Variants in SUN2 observed in about 807,000 individuals in gnomAD.
The protein encoded by SUN2 is SUN domain-containing protein 2.
SUN2 carries 60 observed loss-of-function variants against 100.0 expected under a neutral mutation model. The ratio of observed to expected loss-of-function variants is 0.60; its 90% CI spans 0.49 to 0.74. The LOEUF is 0.74. SUN2 is among the 30% of genes least tolerant of loss of function. SUN2 has a pLI of 0.00. For missense variants in SUN2, 834 were observed against 954.6 expected (o/e 0.87, Z 1.66); for synonymous variants, 367 against 403.3 (o/e 0.91, Z 1.08).
intron 1 of SUN2, chr22:38,754,614 CT>C (rs2092971518): frequency 2.5e-6 from 2 of 788,734 alleles, no homozygotes; most frequent in African/African-American, 3.7e-5. Context: ...CCCCTCCCCC[CT>C]CCCTGCCCCG....
intron 2 of SUN2, 81 bp downstream of exon 2, chr22:38,752,426 T>C: frequency 6.6e-7 from 1 of 1,514,564 alleles, no homozygotes; most frequent in Non-Finnish European, 8.9e-7. Context: ...GGCAGGGGGA[T>C]GGCTGGACCA....
At position 38,739,897 on chromosome 22, in the gene SUN2, C is replaced by T. The variant is rs374336983; in HGVS notation, c.1403G>A (p.Gly468Asp). ...PAWISQFLAR[G>D]GGGRVGLLQR... Reference sequence around the variant, plus strand: ...AAGGAGCCCCACGCGGCCCCCTCCACCTCGGGCAAGGAACTGACTGATCCA... The same window carrying T: ...AAGGAGCCCCACGCGGCCCCCTCCATCTCGGGCAAGGAACTGACTGATCCA... Residue 468 changes from glycine (G) to aspartate (D), a missense_variant, in exon 13 of 18, where the codon GGT becomes GAT. By Grantham distance (94) the Gly-to-Asp change is moderately conservative (BLOSUM62 -1). This residue lies in a region of SUN2 where 195 missense variants were observed against 280.2 expected (regional missense o/e 0.70). Coordinates refer to ENST00000689035, the MANE Select transcript of SUN2 (RefSeq NM_015374.3). This position sits in a 1 kb window ranked among gnomAD's most constrained non-coding sequence, Gnocchi z 6.7. 4.5e-5 allele frequency: 73 copies of T among 1,612,982 alleles called. No homozygotes were observed. The highest frequency in any genetic ancestry group is 6.0e-5 in the Non-Finnish European group (71 of 1,180,036).
In SUN2 at chr22:38,749,874, A is replaced by G. The variant is rs755017003; in HGVS notation, c.521-15T>C. On this transcript the variant is annotated splice_polypyrimidine_tract_variant and intron_variant, in intron 5 of 17. Coordinates refer to ENST00000689035, the MANE Select transcript of SUN2 (RefSeq NM_015374.3). Reference sequence around the variant, plus strand: ...GAAGAGCCGGCCTGGAAGAATGACCATCAAGCCGAAGGCTCCATATGGTGT... The same window carrying G: ...GAAGAGCCGGCCTGGAAGAATGACCGTCAAGCCGAAGGCTCCATATGGTGT... 1.3e-5 allele frequency: 21 copies of G among 1,608,600 alleles called. No individual in the cohort carries two copies. In the East Asian group the frequency reaches 2.0e-4, roughly 15 times the overall value.
chr22:38,749,184 C>T (rs2092925342), intron 6 of SUN2: 2 of 201,120 alleles, frequency 9.9e-6, no homozygotes, highest in South Asian at 2.0e-4. Context: ...GCTGTCCCCT[C>T]TGCCCGGACC....
At position 38,752,366 on chromosome 22, in the gene SUN2, C is replaced by A. The variant is rs942025163; in HGVS notation, c.122+141G>T. 13 of 1,042,958 alleles carry A rather than the reference C, an allele frequency of 1.2e-5. No individual in the cohort carries two copies. In the Admixed American group the frequency reaches 2.9e-4, roughly 23 times the overall value. 64.6% of individuals were successfully genotyped at this position (1,042,958 alleles called of 1,614,324 possible). ...ATGGAGCAAGGAAGGACCCCCTCGA[C>A]CGGACGGGGGCCCACGTCCTTCGAT... On this transcript the variant is annotated intron_variant, in intron 2 of 17. Transcript: ENST00000689035.
chr22:38,743,506 G>A (rs892231321), intron 8 of SUN2: 1 of 145,424 alleles, frequency 6.9e-6, no homozygotes, highest in Non-Finnish European at 1.5e-5. Flanking sequence ...AGAATCGCTT[G>A]AACCTGGGAG....
rs1352794381 is a variant in SUN2, at chr22:38,740,884, C to T, written c.1190+123G>A. 2 of 1,122,242 alleles carry T rather than the reference C, an allele frequency of 1.8e-6. No individual in the cohort carries two copies. The highest frequency in any genetic ancestry group is 2.6e-5 in the East Asian group (1 of 38,642). 69.5% of individuals were successfully genotyped at this position (1,122,242 alleles called of 1,614,324 possible). On this transcript the variant is annotated intron_variant, in intron 11 of 17. Coordinates refer to ENST00000689035, the MANE Select transcript of SUN2 (RefSeq NM_015374.3). The surrounding 1 kb of genome is among the most constrained non-coding windows in gnomAD (Gnocchi z 4.8). ...CCTGAGCTGGGTTTCAACCCCTCCCCCTACCATCTGCTTGGCAAGATGATC... is the reference window on the plus strand; with the variant it reads ...CCTGAGCTGGGTTTCAACCCCTCCCTCTACCATCTGCTTGGCAAGATGATC...
chr22:38,751,057 G>A, intron 3 of SUN2, 22 bp from the exon 4 acceptor site: 1 of 1,610,236 alleles, frequency 6.2e-7, no homozygotes, highest in Non-Finnish European at 8.5e-7. Flanking sequence ...AGAACCAGGG[G>A]CTCTTCTGGG....
In SUN2 at chr22:38,741,012, C is replaced by A; in HGVS notation, c.1185G>T (p.Trp395Cys). The A allele has an allele frequency of 6.3e-7, 1 of 1,595,054 alleles. No homozygotes were observed. The highest frequency in any genetic ancestry group is 1.1e-5 in the South Asian group (1 of 87,880). Residue 395 changes from tryptophan to cysteine, a missense_variant, in exon 11 of 18, where the codon TGG becomes TGT. Trp to Cys is a radical substitution (Grantham distance 215). Coordinates refer to ENST00000689035, the MANE Select transcript of SUN2 (RefSeq NM_015374.3). ...EARIQQLKSE[W>C]QSMTQESFQE... Reference sequence around the variant, plus strand: ...CAGCTGGTGGCGCCCAGTACCTTTGCCACTCTGACTTCAGCTGCTGGATGC... The same window carrying A: ...CAGCTGGTGGCGCCCAGTACCTTTGACACTCTGACTTCAGCTGCTGGATGC...
Position 38,738,693 on chromosome 22 carries a change from C to T in SUN2, c.1841G>A (p.Arg614His), listed in dbSNP as rs757720826. The change falls in exon 16 of 18, where the codon CGC becomes CAC. Residue 614 changes from arginine (R) to histidine (H), a missense_variant. Coordinates refer to ENST00000689035, the MANE Select transcript of SUN2 (RefSeq NM_015374.3). This position sits in a 1 kb window ranked among gnomAD's most constrained non-coding sequence, Gnocchi z 6.6. ...FQGPQGFAVVRLSARIRPTAV... is the reference protein window; with the variant it reads ...FQGPQGFAVVHLSARIRPTAV... ...TGTGGGGCGGATGCGGGCAGAGAGG[C>T]GGACCACGGCGAAGCCTTGTGGCCC... 3.2e-5 allele frequency: 52 copies of T among 1,613,604 alleles called. 1 individual carries two copies. Among genetic ancestry groups the T allele is most frequent in the South Asian group, 2.9e-4 (26 of 91,094 alleles).
rs1403926673 is a variant in SUN2, at chr22:38,742,546, G to A, written c.823C>T (p.Arg275Cys). 2.5e-6 allele frequency: 4 copies of A among 1,610,976 alleles called. No homozygotes were observed. The highest frequency in any genetic ancestry group is 2.2e-5 in the South Asian group (2 of 90,988). The change falls in exon 9 of 18, where the codon CGT (arginine) becomes TGT (cysteine). Residue 275 changes from arginine (R) to cysteine (C), a missense_variant. Transcript: ENST00000689035. Reference protein sequence around the residue: ...DSSPHFQAEQRVMSRVHSLER... With the variant: ...DSSPHFQAEQCVMSRVHSLER... The stretch of plus-strand genomic sequence containing the variant: ...AGAGAGTGTACCCGGGACATAACAC[G>A]CTGCTCAGCCTGGAAGGGCAGAGAG...
chr22:38,741,807 C>CACG (rs1373428009), intron 9 of SUN2, among the ~76,000 whole-genome samples: 4 of 152,172 alleles, frequency 2.6e-5, no homozygotes, highest in African/African-American at 9.7e-5. Flanking sequence ...GTGGGGGAGA[C>CACG]ACGATGGCCT....
At position 38,738,829 on chromosome 22, in the gene SUN2, CAG is replaced by C; in HGVS notation, c.1779+42_1779+43del. On this transcript the variant is annotated intron_variant, in intron 15 of 17. Transcript: ENST00000689035. This position sits in a 1 kb window ranked among gnomAD's most constrained non-coding sequence, Gnocchi z 6.6. ...GCTGACCCCAGATGGGACCAGCCCT[CAG>C]TGTGCTCAGAGCCCCCGCTGCTGTG... 1 of 1,595,484 alleles carries C rather than the reference CAG, an allele frequency of 6.3e-7. No homozygotes were observed. Among genetic ancestry groups the C allele is most frequent in the Non-Finnish European group, 8.6e-7 (1 of 1,168,124 alleles).
chr22:38,750,324 C>T lies in SUN2; in HGVS notation c.425-4G>A, dbSNP rs372875785. On this transcript the variant is annotated splice_polypyrimidine_tract_variant and splice_region_variant and intron_variant, in intron 4 of 17. Coordinates refer to ENST00000689035, the MANE Select transcript of SUN2 (RefSeq NM_015374.3). ...TGCTGGTCCACATCCGAGTAGCCTG[C>T]GGGGAACGAGGACACTGGCTCAGTC... The T allele has an allele frequency of 1.3e-4, 215 of 1,613,850 alleles. No individual in the cohort carries two copies. The highest frequency in any genetic ancestry group is 1.7e-4 in the Non-Finnish European group (204 of 1,179,980).
rs958990067 is a variant in SUN2, at chr22:38,749,232, G to A, written c.615-449C>T. On this transcript the variant is annotated intron_variant, in intron 6 of 17. Transcript: ENST00000689035. Reference sequence around the variant, plus strand: ...AGAGGGATCCTGACTTCTGGGTTCCGTGTTCTTCTGCCTAAGGGGCACATT... The same window carrying A: ...AGAGGGATCCTGACTTCTGGGTTCCATGTTCTTCTGCCTAAGGGGCACATT... 1.1e-4 allele frequency among the ~76,000 whole-genome samples: 16 copies of A among 152,292 alleles called. No homozygotes were observed. The Middle Eastern group carries it at 0.017, about 162-fold the overall frequency.
chr22:38,742,385 G>A lies in SUN2; in HGVS notation c.984C>T (p.Thr328=). The A allele has an allele frequency of 3.7e-6, 6 of 1,613,308 alleles. No homozygotes were observed. Among genetic ancestry groups the A allele is most frequent in the Non-Finnish European group, 4.2e-6 (5 of 1,179,960 alleles). Residue 328 remains threonine, a synonymous_variant, in exon 9 of 18, where the codon ACC becomes ACT. Transcript: ENST00000689035. The part of the protein sequence containing the change: ...GGGGGLSHED[T]LALLEGLVSR... ...TCACTAGCCCCTCCAGCAGCGCCAG[G>A]GTGTCCTCGTGGCTCAGGCCACCAC...
chr22:38,747,058 G>A (rs372552163), intron 7 of SUN2, among the ~76,000 whole-genome samples: 13 of 152,172 alleles, frequency 8.5e-5, no homozygotes, highest in Non-Finnish European at 1.5e-4. Flanking sequence ...CTGACTGGGC[G>A]TGGTGGCTCA....
chr22:38,755,642 C>A lies in SUN2; in HGVS notation c.-38+121G>T. The A allele has an allele frequency of 1.0e-6, 1 of 959,154 alleles. No homozygotes were observed. The highest frequency in any genetic ancestry group is 1.2e-6 in the Non-Finnish European group (1 of 805,984). The allele number at this position is 959,154 out of a possible 1,614,324, so 59.4% of individuals were successfully genotyped here. A position where few individuals can be genotyped will look rare whatever the true frequency, so the allele number is the denominator to read the frequency against. ...CGGGTGGAGGCTGGATCCGGCCCAG[C>A]ACGTCCCGGAGAGGAGGAAGCAGGC... On this transcript the variant is annotated intron_variant, in intron 1 of 17. Transcript: ENST00000689035. The surrounding 1 kb of genome is among the most constrained non-coding windows in gnomAD (Gnocchi z 5.7).
chr22:38,748,326 CAAAA>C (rs753116423), intron 7 of SUN2, among the ~76,000 whole-genome samples: 18 of 152,190 alleles, frequency 1.2e-4, no homozygotes, highest in African/African-American at 4.1e-4. Flanking sequence ...AAAAAACAAA[CAAAA>C]AAGGCACTTA....
Sources: allele counts gnomAD v4.1 joint callset (sites outside exome capture counted in the v4.1 genomes callset), GRCh38; gene constraint gnomAD v4.1.1; regional missense constraint gnomAD v4.1.1; non-coding constraint Gnocchi (gnomAD v3.1); transcripts MANE v1.5; gene names NCBI Gene and HGNC (gene_info 2026-07-23, HGNC 2026-07-21).